Variants in TAB2 observed in about 807,000 individuals in gnomAD.
TAB2 encodes the protein TGF-beta activated kinase 1 (MAP3K7) binding protein 2, also known as TGF-beta-activated kinase 1 and MAP3K7-binding protein 2.
TAB2 carries 3 observed loss-of-function variants against 65.0 expected under a neutral mutation model. The observed-to-expected ratio is 0.05, with a 90% CI of 0.02 to 0.12. The LOEUF (loss-of-function observed/expected upper bound fraction) is 0.12. Among genes scored for constraint, TAB2 ranks in the 10% least tolerant of loss-of-function variants. TAB2 has a pLI of 1.00. For missense variants in TAB2, 623 were observed against 840.3 expected (o/e 0.74, Z 3.20); for synonymous variants, 298 against 285.1 (o/e 1.05, Z -0.46).
chr6:149,401,998 T>TAA (rs147141394), intron 6 of TAB2, among the ~76,000 whole-genome samples: 4 of 134,432 alleles, frequency 3.0e-5, no homozygotes, highest in Admixed American at 2.2e-4. Flanking sequence ...AATACTACAT[T>TAA]AAAAAAAAAA....
intron 1 of TAB2, among the ~76,000 whole-genome samples, chr6:149,260,405 G>C (rs75335968): frequency 6.6e-6 from 1 of 152,212 alleles, no homozygotes; most frequent in African/African-American, 2.4e-5. Context: ...AGGCCTTACC[G>C]GGCATTTGCT....
intron 1 of TAB2, among the ~76,000 whole-genome samples, chr6:149,361,301 A>C (rs1281082216): frequency 6.6e-6 from 1 of 152,150 alleles, no homozygotes; most frequent in Non-Finnish European, 1.5e-5. Flanking sequence ...GGAGGCTGCC[A>C]AGCCTCCTTC....
rs184625008 is a variant in TAB2 at position 149,407,555 on chromosome 6, A to T, written c.1940-2022A>T. ...TTTTACATGAAAGATAGAAGTTTGT[A>T]TGCTGGCTGTTTTGGGAGAAATAAG... On this transcript the variant is annotated intron_variant, in intron 6 of 6. Coordinates refer to ENST00000637181, the MANE Select transcript of TAB2 (RefSeq NM_001292034.3). 4.5e-3 allele frequency among the ~76,000 whole-genome samples: 689 copies of T among 152,304 alleles called. 5 individuals are homozygous for T. The highest frequency in any genetic ancestry group is 0.016 in the African/African-American group (667 of 41,572).
At chr6:149,403,291 C>A (rs1451960633) in intron 6 of TAB2, among the ~76,000 whole-genome samples, 1 of 83,532 alleles carries the variant, frequency 1.2e-5, no homozygotes, top group East Asian at 3.9e-4. Context: ...TATACACACA[C>A]ACACATATAT....
At chr6:149,387,415 A>G (rs1781840518) in intron 3 of TAB2, among the ~76,000 whole-genome samples, 1 of 152,200 alleles carries the variant, frequency 6.6e-6, no homozygotes, top group Admixed American at 6.5e-5. Flanking sequence ...AAACCAGTTG[A>G]CCATAAATGC....
intron 3 of TAB2, among the ~76,000 whole-genome samples, chr6:149,381,665 C>T (rs576031297): frequency 1.3e-5 from 2 of 150,466 alleles, no homozygotes; most frequent in East Asian, 2.0e-4. Context: ...CCTCAACCTC[C>T]TGGGCTCAAG....
chr6:149,261,828 C>T (rs182989817), intron 1 of TAB2, among the ~76,000 whole-genome samples: 3 of 152,358 alleles, frequency 2.0e-5, no homozygotes, highest in Non-Finnish European at 4.4e-5. Context: ...ATGAATCAGG[C>T]TTGGCCTTGC....
intron 1 of TAB2, chr6:149,246,374 A>G (rs1777718170): frequency 6.6e-6 from 1 of 152,238 alleles, no homozygotes; most frequent in South Asian, 2.1e-4. Flanking sequence ...AGAAGACTGC[A>G]TGAAACAATT....
chr6:149,311,934 TA>T (rs1464774620), intron 1 of TAB2, among the ~76,000 whole-genome samples: 2 of 152,246 alleles, frequency 1.3e-5, no homozygotes, highest in Non-Finnish European at 2.9e-5. Flanking sequence ...TAGGTGATGT[TA>T]TGACAGATTG....
intron 1 of TAB2, among the ~76,000 whole-genome samples, chr6:149,248,521 A>G (rs946601963): frequency 6.6e-6 from 1 of 152,118 alleles, no homozygotes; most frequent in Non-Finnish European, 1.5e-5. Context: ...AAAGAAAAGC[A>G]TTCTACACAT....
At chr6:149,408,301 C>T (rs1190740018) in intron 6 of TAB2, among the ~76,000 whole-genome samples, 5 of 152,042 alleles carry the variant, frequency 3.3e-5, no homozygotes, top group African/African-American at 1.2e-4. Context: ...GGGGAAAATA[C>T]TGTATAAACA....
In TAB2 at chr6:149,378,347, T is replaced by G; in HGVS notation, c.432T>G (p.Ser144Arg). 6.2e-7 allele frequency: 1 copy of G among 1,614,238 alleles called. No individual in the cohort carries two copies. Among genetic ancestry groups the G allele is most frequent in the Non-Finnish European group, 8.5e-7 (1 of 1,180,048 alleles). ...GCTTTAATGTTTTTGGAATGTCCAG[T>G]TCCTCTGGTGCTTCAAATTCAGCAC... Reference protein sequence around the residue: ...PQGFNVFGMSSSSGASNSAPH... With the variant: ...PQGFNVFGMSRSSGASNSAPH... The change falls in exon 3 of 7, where the codon AGT (serine) becomes AGG (arginine). Residue 144 changes from serine (S) to arginine (R), a missense_variant. Ser to Arg is a moderately radical substitution (Grantham distance 110). This residue lies in a region of TAB2 where 550 missense variants were observed against 665.7 expected (regional missense o/e 0.83). Transcript: ENST00000637181.
chr6:149,359,943 G>T (rs1780788941), intron 1 of TAB2, among the ~76,000 whole-genome samples: 1 of 152,040 alleles, frequency 6.6e-6, no homozygotes. Flanking sequence ...TGTGCTTTTG[G>T]TATCTATTGA....
intron 1 of TAB2, among the ~76,000 whole-genome samples, chr6:149,305,131 A>T (rs1378431264): frequency 6.6e-6 from 1 of 152,138 alleles, no homozygotes; most frequent in Non-Finnish European, 1.5e-5. Context: ...TGGATGTGGA[A>T]CCCACAGATA....
intron 2 of TAB2, among the ~76,000 whole-genome samples, chr6:149,374,052 T>C (rs117404387): frequency 0.028 from 4,307 of 152,300 alleles, 99 homozygotes; most frequent in East Asian, 0.068. Flanking sequence ...ATAATGATAC[T>C]AAAAATAAAT....
At chr6:149,305,630 T>C (rs1003823550) in intron 1 of TAB2, among the ~76,000 whole-genome samples, 1 of 152,162 alleles carries the variant, frequency 6.6e-6, no homozygotes, top group Non-Finnish European at 1.5e-5. Flanking sequence ...CAAAGTTCTT[T>C]GGTGAAATGC....
chr6:149,236,194 C>T lies in TAB2; in HGVS notation c.-121+17418C>T, dbSNP rs73781719. On this transcript the variant is annotated intron_variant, in intron 1 of 1. Coordinates refer to the TAB2 transcript ENST00000606202. ...CCAGGCTTCACCACTACACAATATACGCATGCAAGAAATCTGCACTTGTGC... is the reference window on the plus strand; with the variant it reads ...CCAGGCTTCACCACTACACAATATATGCATGCAAGAAATCTGCACTTGTGC... Among the ~76,000 whole-genome samples the T allele has an allele frequency of 2.2e-3, 341 of 152,188 alleles. 3 individuals are homozygous for T. The highest frequency in any genetic ancestry group is 7.9e-3 in the African/African-American group (326 of 41,522).
intron 6 of TAB2, among the ~76,000 whole-genome samples, chr6:149,407,852 A>C (rs951257762): frequency 6.6e-6 from 1 of 152,072 alleles, no homozygotes; most frequent in African/African-American, 2.4e-5. Context: ...TTCATTTAAG[A>C]AAAATTTTAT....
chr6:149,230,156 G>C (rs1159501135), intron 1 of TAB2: 1 of 152,200 alleles, frequency 6.6e-6, no homozygotes, highest in Admixed American at 6.5e-5. Flanking sequence ...TAAACAAAGA[G>C]AGAGGCTTGT....
Sources: allele counts gnomAD v4.1 joint callset (sites outside exome capture counted in the v4.1 genomes callset), GRCh38; gene constraint gnomAD v4.1.1; regional missense constraint gnomAD v4.1.1; transcripts MANE v1.5; gene names NCBI Gene and HGNC (gene_info 2026-07-23, HGNC 2026-07-21).